The following SYT16 variants were observed in gnomAD, a reference collection of about 807,000 sequenced individuals.
SYT16 encodes the protein synaptotagmin-16.
Under a neutral mutation model 61.4 loss-of-function variants are expected in SYT16, and 42 were observed. The observed-to-expected ratio is 0.68, with a 90% CI of 0.53 to 0.89. The LOEUF (loss-of-function observed/expected upper bound fraction) is 0.89. SYT16 is among the 40% of genes least tolerant of loss of function. The pLI, the probability that SYT16 is intolerant of heterozygous loss-of-function variation, is 0.00. For missense variants in SYT16, 804 were observed against 807.3 expected (o/e 1.00, Z 0.05); for synonymous variants, 314 against 302.3 (o/e 1.04, Z -0.40).
In SYT16 at chr14:62,069,597, T is replaced by G; in HGVS notation, c.524-6T>G. ...CAGGAGACTCATGGCTCTTGTTTAC[T>G]CCCAGTCAACAGCTTTGGGGATGAC... On this transcript the variant is annotated splice_region_variant and splice_polypyrimidine_tract_variant and intron_variant, in intron 3 of 7. Transcript: ENST00000683842. The G allele has an allele frequency of 6.2e-7, 1 of 1,613,796 alleles. No homozygotes were observed. The highest frequency in any genetic ancestry group is 8.5e-7 in the Non-Finnish European group (1 of 1,179,732).
rs537129400 is a variant in SYT16 at position 62,107,757 on chromosome 14, A to G, written c.*7050A>G. On this transcript the variant is annotated 3_prime_UTR_variant, in exon 8 of 8. Coordinates refer to ENST00000683842, the MANE Select transcript of SYT16 (RefSeq NM_001367656.1). ...GTTTGTCAGTCTATGCTTTCATTCA[A>G]AATAAATGGATATGTTTTGTATCTG... The G allele has an allele frequency of 1.3e-5, 2 of 152,334 alleles. No individual in the cohort carries two copies. The highest frequency in any genetic ancestry group is 2.1e-4 in the South Asian group (1 of 4,830). The allele number at this position is 152,334 out of a possible 1,614,324, so 9.4% of individuals were successfully genotyped here.
At chr14:62,015,772 A>T (rs1336265930) in intron 3 of SYT16, among the ~76,000 whole-genome samples, 1 of 152,182 alleles carries the variant, frequency 6.6e-6, no homozygotes, top group African/African-American at 2.4e-5. Context: ...ATCTGCTGAC[A>T]CCTTGATCTT....
rs776473522 is a variant in SYT16, at chr14:62,018,298, C to CTTTTTTTT, written c.523+21777_523+21784dup. Among the ~76,000 whole-genome samples the CTTTTTTTT allele has an allele frequency of 1.6e-3, 85 of 51,646 alleles. 12 individuals carry two copies. The highest frequency in any genetic ancestry group is 3.0e-3 in the African/African-American group (36 of 11,984). The allele number at this position is 51,646 out of a possible 152,430, so 33.9% of individuals were successfully genotyped here. ...GGGTCTTTCTCTTCTTCTTCTTCTTCTTTTTTTTTTTTTTTTTTTTTTTTT... is the reference window on the plus strand; with the variant it reads ...GGGTCTTTCTCTTCTTCTTCTTCTTCTTTTTTTTTTTTTTTTTTTTTTTTTTTTTTTTT... On this transcript the variant is annotated intron_variant, in intron 3 of 7. Transcript: ENST00000683842.
chr14:61,845,705 C>A (rs968769047), intron 1 of SYT16, among the ~76,000 whole-genome samples: 28 of 151,922 alleles, frequency 1.8e-4, no homozygotes, highest in African/African-American at 6.8e-4. Flanking sequence ...ATCTTTATTT[C>A]TTTTCTTCTA....
At chr14:62,003,371 C>T (rs1240632477) in intron 3 of SYT16, among the ~76,000 whole-genome samples, 1 of 151,772 alleles carries the variant, frequency 6.6e-6, no homozygotes, top group Non-Finnish European at 1.5e-5. Flanking sequence ...CCCATGGGTT[C>T]TGTACTTCTG....
intron 1 of SYT16, among the ~76,000 whole-genome samples, chr14:61,818,362 G>C (rs562487761): frequency 1.4e-4 from 21 of 152,198 alleles, no homozygotes; most frequent in African/African-American, 4.6e-4. Context: ...GCTTTTATCA[G>C]ACTTCAGTAG....
intron 1 of SYT16, among the ~76,000 whole-genome samples, chr14:61,952,623 TTATTA>T (rs1166152108): frequency 6.6e-6 from 1 of 152,186 alleles, no homozygotes; most frequent in African/African-American, 2.4e-5. Context: ...CACACATATT[TTATTA>T]TATTAAAGAT....
chr14:62,079,487 C>T, intron 5 of SYT16: 2 of 447,702 alleles, frequency 4.5e-6, no homozygotes, highest in Non-Finnish European at 6.8e-6. Context: ...AAATGACTTG[C>T]CCAGTGTCAT....
chr14:62,078,717 A>G (rs1269465615), intron 5 of SYT16, among the ~76,000 whole-genome samples: 2 of 152,244 alleles, frequency 1.3e-5, no homozygotes, highest in African/African-American at 2.4e-5. Flanking sequence ...TGATAGGACA[A>G]CTGACTACGG....
intron 1 of SYT16, among the ~76,000 whole-genome samples, chr14:61,813,901 A>G (rs148181035): frequency 1.5e-4 from 23 of 152,032 alleles, no homozygotes; most frequent in African/African-American, 4.1e-4. Flanking sequence ...CTTGTAAACA[A>G]TCATCCCAGC....
chr14:62,038,646 T>A (rs1017503287), intron 3 of SYT16, among the ~76,000 whole-genome samples: 1 of 152,132 alleles, frequency 6.6e-6, no homozygotes, highest in African/African-American at 2.4e-5. Flanking sequence ...CAGCTCTCTG[T>A]CTGGCCTTTA....
chr14:61,956,016 G>C (rs1008176805), intron 1 of SYT16, among the ~76,000 whole-genome samples: 1 of 151,750 alleles, frequency 6.6e-6, no homozygotes, highest in Non-Finnish European at 1.5e-5. Context: ...ACAGATCTGA[G>C]GTGATATCTC....
chr14:61,910,033 A>T (rs1174815915), intron 1 of SYT16, among the ~76,000 whole-genome samples: 3 of 152,170 alleles, frequency 2.0e-5, no homozygotes, highest in Non-Finnish European at 4.4e-5. Context: ...GCATTCATTT[A>T]AAGGTCAGTT....
At chr14:61,954,574 G>A (rs139656404) in intron 1 of SYT16, among the ~76,000 whole-genome samples, 13 of 152,194 alleles carry the variant, frequency 8.5e-5, no homozygotes, top group African/African-American at 3.1e-4. Context: ...ATAATTAGAC[G>A]AGTTACTCTG....
intron 1 of SYT16, among the ~76,000 whole-genome samples, chr14:61,859,021 ATTTTT>A (rs60251753): frequency 1.3e-4 from 19 of 146,204 alleles, no homozygotes; most frequent in Admixed American, 8.9e-4. Flanking sequence ...CGCCCGGCTA[ATTTTT>A]TTTTTTGTAT....
Position 61,835,212 on chromosome 14 carries a change from T to C in SYT16, c.-325+22402T>C, listed in dbSNP as rs563398482. On this transcript the variant is annotated intron_variant, in intron 1 of 7. Coordinates refer to ENST00000683842, the MANE Select transcript of SYT16 (RefSeq NM_001367656.1). ...TGTGTATAAGGACCTGCCTTTTCAA[T>C]AAATAGTACACTGTAAATGTTGTCT... Among the ~76,000 whole-genome samples, 8 of 150,524 alleles carry C rather than the reference T, an allele frequency of 5.3e-5. No homozygotes were observed. The South Asian group carries it at 1.7e-3, about 32-fold the overall frequency.
At chr14:61,977,383 T>C (rs547898523) in intron 2 of SYT16, among the ~76,000 whole-genome samples, 6 of 152,216 alleles carry the variant, frequency 3.9e-5, no homozygotes, top group Non-Finnish European at 8.8e-5. Context: ...TGAAAGAGGT[T>C]TAACTGACTC....
Position 61,885,932 on chromosome 14 carries a change from G to A in SYT16, c.-325+73122G>A, listed in dbSNP as rs145112281. On this transcript the variant is annotated intron_variant, in intron 1 of 7. Transcript: ENST00000683842. ...TTGATGGCTGCTGAATGATCAGGGTGGTGGTTATTGAAGGTTGAGGAGGCT... is the reference window on the plus strand; with the variant it reads ...TTGATGGCTGCTGAATGATCAGGGTAGTGGTTATTGAAGGTTGAGGAGGCT... 3.9e-4 allele frequency among the ~76,000 whole-genome samples: 59 copies of A among 151,896 alleles called. No homozygotes were observed. In the East Asian group the frequency reaches 8.9e-3, roughly 23 times the overall value.
intron 1 of SYT16, among the ~76,000 whole-genome samples, chr14:61,899,918 G>T (rs370610780): frequency 6.6e-5 from 10 of 152,166 alleles, no homozygotes; most frequent in African/African-American, 2.4e-4. Context: ...CTTTCTTGGT[G>T]TTGATCTAAA....
Sources: allele counts gnomAD v4.1 joint callset (sites outside exome capture counted in the v4.1 genomes callset), GRCh38; gene constraint gnomAD v4.1.1; transcripts MANE v1.5; gene names NCBI Gene and HGNC (gene_info 2026-07-23, HGNC 2026-07-21).